Variants in USPL1 observed in about 807,000 individuals in gnomAD.
USPL1 encodes SUMO-specific isopeptidase USPL1.
Under a neutral mutation model 51.5 loss-of-function variants are expected in USPL1, and 27 were observed. That is an observed-to-expected ratio of 0.52 (90% CI 0.39 to 0.72). The LOEUF (loss-of-function observed/expected upper bound fraction) is 0.72. Among genes scored for constraint, USPL1 ranks in the 30% least tolerant of loss-of-function variants. The pLI, the probability that USPL1 is intolerant of heterozygous loss-of-function variation, is 0.00. For missense variants in USPL1, 1,226 were observed against 1,268.0 expected (o/e 0.97, Z 0.50); for synonymous variants, 451 against 459.6 (o/e 0.98, Z 0.24).
intron 7 of USPL1, among the ~76,000 whole-genome samples, chr13:30,650,131 A>T (rs147712001): frequency 4.6e-5 from 7 of 152,304 alleles, no homozygotes; most frequent in African/African-American, 1.7e-4. Context: ...GTGAGGCTGG[A>T]AATAAGACAT....
At chr13:30,621,717 AT>A in intron 2 of USPL1, 46 bp from the exon 3 acceptor site, 2 of 1,321,258 alleles carry the variant, frequency 1.5e-6, no homozygotes, top group Non-Finnish European at 2.0e-6. Flanking sequence ...ATATTTTGAT[AT>A]ATTCTAGGAA....
chr13:30,646,096 T>A (rs1951014283), intron 6 of USPL1, among the ~76,000 whole-genome samples: 1 of 152,236 alleles, frequency 6.6e-6, no homozygotes, highest in South Asian at 2.1e-4. Flanking sequence ...CTACTGATGT[T>A]TTTAACAGAC....
chr13:30,621,313 T>C, intron 2 of USPL1, 74 bp downstream of exon 2: 1 of 1,127,962 alleles, frequency 8.9e-7, no homozygotes, highest in South Asian at 1.4e-5. Flanking sequence ...AATTCAATTT[T>C]GATGTTACCA....
rs540657578 is a variant in USPL1 at position 30,621,058 on chromosome 13, A to T, written c.-68-15A>T. 9.0e-7 allele frequency: 1 copy of T among 1,105,418 alleles called. No individual in the cohort carries two copies. Among genetic ancestry groups the T allele is most frequent in the African/African-American group, 1.6e-5 (1 of 62,482 alleles). 68.5% of individuals were successfully genotyped at this position (1,105,418 alleles called of 1,614,324 possible). ...AGAATTTTTATTTAATTGTCTATTG[A>T]CTTTTTTTTTCCAGGGTTCATTGAA... On this transcript the variant is annotated splice_polypyrimidine_tract_variant and intron_variant, in intron 1 of 8. Coordinates refer to ENST00000255304, the MANE Select transcript of USPL1 (RefSeq NM_005800.5).
rs1566062857 is a variant in USPL1, at chr13:30,658,540, G to C, written c.2463G>C (p.Lys821Asn). 3 of 1,614,098 alleles carry C rather than the reference G, an allele frequency of 1.9e-6. No homozygotes were observed. The highest frequency in any genetic ancestry group is 1.7e-6 in the Non-Finnish European group (2 of 1,179,996). ...AGAAAGCTCGTAAGAGTGCAAGTAA[G>C]CCTCCTCCCATCAGTAAGCCACCAG... ...VSKKARKSAS[K>N]PPPISKPPAG... Residue 821 changes from lysine to asparagine, a missense_variant, in exon 9 of 9, where the codon AAG (lysine) becomes AAC (asparagine). Transcript: ENST00000255304.
chr13:30,657,739 A>C lies in USPL1; in HGVS notation c.1662A>C (p.Ser554=). The C allele has an allele frequency of 6.2e-7, 1 of 1,614,162 alleles. No individual in the cohort carries two copies. The highest frequency in any genetic ancestry group is 8.5e-7 in the Non-Finnish European group (1 of 1,180,012). ...TASVTHPKDI[S]VAPRTLSQDT... is the part of the protein sequence containing the mutation. The stretch of plus-strand genomic sequence containing the variant: ...CAGTAACTCACCCTAAAGATATATC[A>C]GTTGCCCCTCGTACTCTTTCACAGG... Residue 554 remains serine (S), a synonymous_variant, in exon 9 of 9, where the codon TCA becomes TCC. Coordinates refer to ENST00000255304, the MANE Select transcript of USPL1 (RefSeq NM_005800.5).
At chr13:30,632,234 T>G (rs1413564236) in intron 4 of USPL1, among the ~76,000 whole-genome samples, 1 of 151,942 alleles carries the variant, frequency 6.6e-6, no homozygotes, top group Non-Finnish European at 1.5e-5. Context: ...TTTGTTCTTG[T>G]GTTAGTTTGC....
intron 4 of USPL1, among the ~76,000 whole-genome samples, chr13:30,633,976 C>A (rs1950841568): frequency 6.6e-6 from 1 of 152,074 alleles, no homozygotes; most frequent in Non-Finnish European, 1.5e-5. Flanking sequence ...ATTTCTTTTT[C>A]TTTCTTCGCA....
chr13:30,645,916 TG>T (rs1350469127), intron 6 of USPL1, among the ~76,000 whole-genome samples: 1 of 152,234 alleles, frequency 6.6e-6, no homozygotes, highest in Non-Finnish European at 1.5e-5. Flanking sequence ...AAATGTCAGA[TG>T]TCATGTGGAG....
intron 3 of USPL1, among the ~76,000 whole-genome samples, chr13:30,625,049 CTTTTTA>C (rs1471296339): frequency 2.0e-5 from 3 of 151,996 alleles, no homozygotes; most frequent in African/African-American, 7.2e-5. Context: ...CTTCTCTTTT[CTTTTTA>C]TTTAGATTGA....
intron 3 of USPL1, among the ~76,000 whole-genome samples, chr13:30,628,931 T>C (rs756428660): frequency 1.2e-4 from 18 of 152,182 alleles, no homozygotes; most frequent in South Asian, 4.1e-4. Context: ...TAAATACATA[T>C]ATGCTATTTT....
intron 3 of USPL1, among the ~76,000 whole-genome samples, chr13:30,628,463 C>T (rs910868436): frequency 1.3e-5 from 2 of 152,092 alleles, no homozygotes; most frequent in Non-Finnish European, 2.9e-5. Flanking sequence ...TAGGTATACA[C>T]GTGCCATGGT....
In USPL1 at chr13:30,631,435, A is replaced by G; in HGVS notation, c.829A>G (p.Asn277Asp). Residue 277 changes from asparagine to aspartate, a missense_variant, in exon 4 of 9, where the codon AAT (asparagine) becomes GAT (aspartate). Asn to Asp is a conservative substitution (Grantham distance 23). Transcript: ENST00000255304. ...GTTGCTTACAAAATATAATCAAGCA[A>G]ATACACTTCTATATACCAGTCAATT... Reference protein sequence around the residue: ...WRLLTKYNQANTLLYTSQLSG... With the variant: ...WRLLTKYNQADTLLYTSQLSG... 1 of 1,614,160 alleles carries G rather than the reference A, an allele frequency of 6.2e-7. No individual in the cohort carries two copies. Among genetic ancestry groups the G allele is most frequent in the African/African-American group, 1.3e-5 (1 of 75,048 alleles).
intron 3 of USPL1, among the ~76,000 whole-genome samples, chr13:30,626,965 A>T (rs1319465357): frequency 6.6e-6 from 1 of 152,094 alleles, no homozygotes; most frequent in African/African-American, 2.4e-5. Flanking sequence ...TTATTATTAT[A>T]ATTTGTCTTT....
chr13:30,659,526 A>C lies in USPL1; in HGVS notation c.*170A>C. 1 of 567,446 alleles carries C rather than the reference A, an allele frequency of 1.8e-6. No individual in the cohort carries two copies. Among genetic ancestry groups the C allele is most frequent in the Non-Finnish European group, 2.9e-6 (1 of 345,502 alleles). 35.2% of individuals were successfully genotyped at this position (567,446 alleles called of 1,614,324 possible). A position where few individuals can be genotyped will look rare whatever the true frequency, so the allele number is the denominator to read the frequency against. ...GCCCATGAAGCATGTAATCTTTCTT[A>C]CACATTAAAATCACTGAATGTGTTC... On this transcript the variant is annotated 3_prime_UTR_variant, in exon 9 of 9. Transcript: ENST00000255304.
chr13:30,653,994 T>C lies in USPL1; in HGVS notation c.1396+689T>C, dbSNP rs956642444. Among the ~76,000 whole-genome samples the C allele has an allele frequency of 2.6e-5, 4 of 152,358 alleles. No individual in the cohort carries two copies. The East Asian group carries it at 5.8e-4, about 22-fold the overall frequency. ...TCCTCCTGGGGATGGTTTGAATGGA[T>C]GACACAATACCATATTATAAAAGCA... On this transcript the variant is annotated intron_variant, in intron 8 of 8. Coordinates refer to ENST00000255304, the MANE Select transcript of USPL1 (RefSeq NM_005800.5).
Position 30,657,736 on chromosome 13 carries a change from A to T in USPL1, c.1659A>T (p.Ile553=). ...ETASVTHPKD[I]SVAPRTLSQD... Reference sequence around the variant, plus strand: ...CCTCAGTAACTCACCCTAAAGATATATCAGTTGCCCCTCGTACTCTTTCAC... The same window carrying T: ...CCTCAGTAACTCACCCTAAAGATATTTCAGTTGCCCCTCGTACTCTTTCAC... The change falls in exon 9 of 9, where the codon ATA becomes ATT. Residue 553 remains isoleucine (I), a synonymous_variant. Coordinates refer to ENST00000255304, the MANE Select transcript of USPL1 (RefSeq NM_005800.5). 2 of 1,614,220 alleles carry T rather than the reference A, an allele frequency of 1.2e-6. No homozygotes were observed. The highest frequency in any genetic ancestry group is 1.3e-5 in the African/African-American group (1 of 75,072).
chr13:30,618,876 C>A (rs1443553532), intron 1 of USPL1, among the ~76,000 whole-genome samples: 1 of 152,146 alleles, frequency 6.6e-6, no homozygotes, highest in Non-Finnish European at 1.5e-5. Flanking sequence ...TTGCTGTAAT[C>A]AGGCTAGAGT....
At chr13:30,638,875 T>C (rs1489902837) in intron 5 of USPL1, among the ~76,000 whole-genome samples, 6 of 149,972 alleles carry the variant, frequency 4.0e-5, no homozygotes, top group African/African-American at 1.5e-4. Flanking sequence ...AAATATGATA[T>C]TTTATAATAT....
Sources: gnomAD v4.1 joint callset for allele counts (sites outside exome capture counted in the v4.1 genomes callset) on GRCh38, gnomAD v4.1.1 for gene constraint, MANE v1.5 for transcripts, NCBI Gene and HGNC (gene_info 2026-07-23, HGNC 2026-07-21) for gene names.